The following MACROD2 variants were observed in gnomAD, a reference collection of about 807,000 sequenced individuals.
MACROD2 encodes ADP-ribose glycohydrolase MACROD2.
In MACROD2, 36 loss-of-function variants were observed where a neutral mutation model predicts 70.4. The observed-to-expected ratio is 0.51, with a 90% CI of 0.39 to 0.68. The LOEUF (loss-of-function observed/expected upper bound fraction) is 0.68. MACROD2 is among the 30% of genes least tolerant of loss of function. The probability of loss-of-function intolerance (pLI) is 0.00; values close to 1 mark genes in which losing one functional copy is unlikely to be tolerated. For synonymous variants in MACROD2, 172 were observed against 178.8 expected (o/e 0.96, Z 0.30); for missense variants, 496 against 538.4 (o/e 0.92, Z 0.78).
At chr20:15,575,549 T>C (rs913927915) in intron 8 of MACROD2, among the ~76,000 whole-genome samples, 3 of 152,080 alleles carry the variant, frequency 2.0e-5, no homozygotes, top group Non-Finnish European at 4.4e-5. Context: ...TTAGTTCTGG[T>C]TGGAGTGGTG....
chr20:14,427,395 G>A lies in MACROD2; in HGVS notation c.272-66084G>A, dbSNP rs996960244. Among the ~76,000 whole-genome samples the A allele has an allele frequency of 6.6e-5, 10 of 151,126 alleles. No homozygotes were observed. In the South Asian group the frequency reaches 1.9e-3, roughly 28 times the overall value. ...AGCTCTCAGTTTTTTCTAGTTCCAT[G>A]GTCTTCTACTTTCCTCATGATTCTT... On this transcript the variant is annotated intron_variant, in intron 3 of 17. Transcript: ENST00000684519.
chr20:15,667,035 A>G (rs1834386349), intron 8 of MACROD2, among the ~76,000 whole-genome samples: 2 of 152,170 alleles, frequency 1.3e-5, no homozygotes, highest in Admixed American at 1.3e-4. Flanking sequence ...CTATCAATCT[A>G]TCTATCATCT....
At chr20:15,977,244 C>T (rs1378962215) in intron 13 of MACROD2, among the ~76,000 whole-genome samples, 1 of 152,204 alleles carries the variant, frequency 6.6e-6, no homozygotes, top group Non-Finnish European at 1.5e-5. Context: ...GAAGCTCACT[C>T]AGTAAACAAA....
intron 3 of MACROD2, among the ~76,000 whole-genome samples, chr20:14,154,109 A>C (rs1198519134): frequency 6.6e-6 from 1 of 152,240 alleles, no homozygotes. Context: ...TCTACTAAAT[A>C]TTTAAAAGGC....
At chr20:15,081,350 A>C (rs1276529980) in intron 5 of MACROD2, among the ~76,000 whole-genome samples, 1 of 152,154 alleles carries the variant, frequency 6.6e-6, no homozygotes, top group Non-Finnish European at 1.5e-5. Flanking sequence ...AAAGCTGAAA[A>C]TATTCACAAT....
chr20:14,895,341 G>C (rs1181895447), intron 5 of MACROD2: 1 of 152,160 alleles, frequency 6.6e-6, no homozygotes, highest in African/African-American at 2.4e-5. Context: ...TCCAGATTAA[G>C]GGTTAAGAAT....
At chr20:15,864,239 T>C (rs2064462501) in intron 9 of MACROD2, among the ~76,000 whole-genome samples, 1 of 152,230 alleles carries the variant, frequency 6.6e-6, no homozygotes, top group African/African-American at 2.4e-5. Flanking sequence ...TGTTTCAATG[T>C]CCTTGCTCCA....
intron 5 of MACROD2, among the ~76,000 whole-genome samples, chr20:14,718,291 T>TAAA (rs2071420434): frequency 4.4e-5 from 1 of 22,654 alleles, no homozygotes; most frequent in African/African-American, 2.0e-4. Flanking sequence ...AGACTCTGTC[T>TAAA]CAAAAAAAAA....
At chr20:15,332,939 G>C (rs1160199434) in intron 6 of MACROD2, among the ~76,000 whole-genome samples, 1 of 133,514 alleles carries the variant, frequency 7.5e-6, no homozygotes, top group Non-Finnish European at 1.5e-5. Context: ...AGGAAGCTCA[G>C]CTTCTCCCTC....
At chr20:15,497,818 T>G (rs532802852) in intron 7 of MACROD2, among the ~76,000 whole-genome samples, 1 of 152,316 alleles carries the variant, frequency 6.6e-6, no homozygotes, top group South Asian at 2.1e-4. Flanking sequence ...CACATACCCC[T>G]AATACACTTG....
chr20:16,004,795 A>T (rs972812788), intron 15 of MACROD2, among the ~76,000 whole-genome samples: 6 of 152,180 alleles, frequency 3.9e-5, no homozygotes, highest in Admixed American at 1.3e-4. Context: ...TCCGTCTTGC[A>T]GTACTCTCTC....
At chr20:14,034,227 G>GCCTC (rs1335725631) in intron 2 of MACROD2, among the ~76,000 whole-genome samples, 4 of 152,160 alleles carry the variant, frequency 2.6e-5, no homozygotes, top group Admixed American at 6.5e-5. Context: ...GCCCGCCTCA[G>GCCTC]CCTCCCAAAG....
At chr20:15,368,269 A>G (rs1245697262) in intron 6 of MACROD2, among the ~76,000 whole-genome samples, 2 of 152,120 alleles carry the variant, frequency 1.3e-5, no homozygotes, top group African/African-American at 4.8e-5. Flanking sequence ...AGAGCCATCA[A>G]TTGGTGTTCT....
chr20:14,065,702 A>G (rs769170681), intron 2 of MACROD2, among the ~76,000 whole-genome samples: 22 of 152,210 alleles, frequency 1.4e-4, no homozygotes, highest in Non-Finnish European at 1.2e-4. Context: ...TGAGGCCTAG[A>G]AGGGTTATAT....
intron 6 of MACROD2, among the ~76,000 whole-genome samples, chr20:15,234,062 C>T (rs1333208530): frequency 1.2e-4 from 8 of 67,560 alleles, no homozygotes; most frequent in East Asian, 1.4e-3. Flanking sequence ...GACGGAGTCT[C>T]GCTCTGTGGC....
intron 3 of MACROD2, among the ~76,000 whole-genome samples, chr20:14,110,847 ATTC>A (rs1244395032): frequency 1.3e-5 from 2 of 151,974 alleles, no homozygotes; most frequent in African/African-American, 2.4e-5. Flanking sequence ...TACCAATGGC[ATTC>A]TTCTTTACAG....
intron 5 of MACROD2, chr20:14,888,725 A>C (rs1165170583): frequency 2.6e-5 from 4 of 152,220 alleles, no homozygotes; most frequent in African/African-American, 9.6e-5. Flanking sequence ...GTTGCTGTGC[A>C]TGATAAACTT....
intron 8 of MACROD2, among the ~76,000 whole-genome samples, chr20:15,621,986 G>A (rs1021661490): frequency 3.3e-5 from 5 of 152,150 alleles, no homozygotes; most frequent in Non-Finnish European, 5.9e-5. Context: ...AGATAGATGC[G>A]CACTAACTGT....
intron 5 of MACROD2, among the ~76,000 whole-genome samples, chr20:15,019,164 C>G (rs374623348): frequency 6.8e-6 from 1 of 147,858 alleles, no homozygotes; most frequent in Non-Finnish European, 1.5e-5. Context: ...CACACACACA[C>G]GCGCGCGCGC....
Sources: allele counts gnomAD v4.1 joint callset (sites outside exome capture counted in the v4.1 genomes callset), GRCh38; gene constraint gnomAD v4.1.1; transcripts MANE v1.5; gene names NCBI Gene and HGNC (gene_info 2026-07-23, HGNC 2026-07-21).